Variants in GRIN3A observed in about 807,000 individuals in gnomAD.
GRIN3A encodes the protein glutamate receptor ionotropic, NMDA 3A.
In GRIN3A, 47 loss-of-function variants were observed where a neutral mutation model predicts 92.4. The observed-to-expected ratio is 0.51, with a 90% CI of 0.40 to 0.65. The LOEUF is 0.65. GRIN3A is among the 30% of genes least tolerant of loss of function. The pLI is 0.00. For synonymous variants in GRIN3A, 527 were observed against 540.6 expected (o/e 0.97, Z 0.35); for missense variants, 1,324 against 1,393.1 (o/e 0.95, Z 0.79).
intron 1 of GRIN3A, among the ~76,000 whole-genome samples, chr9:101,704,476 TG>T (rs1181659778): frequency 3.3e-5 from 5 of 151,580 alleles, no homozygotes; most frequent in East Asian, 1.9e-4. Flanking sequence ...TTTGACTTAA[TG>T]TTTTTTTTAT....
In GRIN3A at chr9:101,670,983, T is replaced by C. The variant is rs80097802; in HGVS notation, c.1429A>G (p.Met477Val). The change falls in exon 3 of 9, where the codon ATG (methionine) becomes GTG (valine). Residue 477 changes from methionine to valine, a missense_variant. Transcript: ENST00000361820. ...TGCCAGCTGCCCAAGCGGGTCCACA[T>C]TGGCTTTCCCATGGGGTCATGTTGA... is the stretch of plus-strand genomic sequence containing the variant. ...NLQHDPMGKP[M>V]WTRLGSWQGG... The C allele has an allele frequency of 4.6e-5, 75 of 1,613,892 alleles. No homozygotes were observed. The highest frequency in any genetic ancestry group is 5.4e-5 in the Non-Finnish European group (64 of 1,179,926).
rs1328279670 is a variant in GRIN3A, at chr9:101,571,232, T to C, written c.*1942A>G. The C allele has an allele frequency of 6.6e-6, 1 of 152,178 alleles. No individual in the cohort carries two copies. Among genetic ancestry groups the C allele is most frequent in the Admixed American group, 6.6e-5 (1 of 15,260 alleles). The allele number at this position is 152,178 out of a possible 1,614,324, so 9.4% of individuals were successfully genotyped here. A position where few individuals can be genotyped will look rare whatever the true frequency, so the allele number is the denominator to read the frequency against. ...ATCTGTGGAGTTGGTGACCTCTAAC[T>C]TTAGAGCCCTCCCACATCCATATCA... On this transcript the variant is annotated 3_prime_UTR_variant, in exon 9 of 9. Transcript: ENST00000361820.
chr9:101,715,200 T>A (rs368924300), intron 1 of GRIN3A, among the ~76,000 whole-genome samples: 40 of 127,660 alleles, frequency 3.1e-4, no homozygotes, highest in Non-Finnish European at 3.7e-4. Context: ...ACAAAAATGG[T>A]AAAAAAAAAA....
chr9:101,665,836 GGCAAAAACT>G (rs1429362095), intron 3 of GRIN3A, among the ~76,000 whole-genome samples: 7 of 151,814 alleles, frequency 4.6e-5, no homozygotes, highest in African/African-American at 1.2e-4. Flanking sequence ...TACTTTCAAA[GGCAAAAACT>G]GCAATTACTT....
intron 1 of GRIN3A, among the ~76,000 whole-genome samples, chr9:101,704,689 A>C (rs1315484051): frequency 6.6e-6 from 1 of 152,180 alleles, no homozygotes; most frequent in Non-Finnish European, 1.5e-5. Context: ...ATCTTTCCAG[A>C]GGATTTTGCC....
intron 5 of GRIN3A, among the ~76,000 whole-genome samples, 190 bp from the exon 6 acceptor site, chr9:101,613,717 G>C (rs1353013655): frequency 1.3e-5 from 2 of 152,204 alleles, no homozygotes; most frequent in Non-Finnish European, 2.9e-5. Flanking sequence ...TCTCTGAGTA[G>C]ATGAATTGAG....
chr9:101,571,944 C>T lies in GRIN3A; in HGVS notation c.*1230G>A, dbSNP rs1588231838. ...ATATTCCTTTCCCTTGCTGCCTAAA[C>T]TTGATATGCTGAGAAAGTGACACCT... On this transcript the variant is annotated 3_prime_UTR_variant, in exon 9 of 9. Coordinates refer to ENST00000361820, the MANE Select transcript of GRIN3A (RefSeq NM_133445.3). The T allele has an allele frequency of 6.6e-6, 1 of 152,196 alleles. No homozygotes were observed. The highest frequency in any genetic ancestry group is 1.5e-5 in the Non-Finnish European group (1 of 68,084). 9.4% of individuals were successfully genotyped at this position (152,196 alleles called of 1,614,324 possible).
chr9:101,679,266 T>A (rs984170477), intron 2 of GRIN3A, among the ~76,000 whole-genome samples: 1 of 152,146 alleles, frequency 6.6e-6, no homozygotes, highest in Non-Finnish European at 1.5e-5. Context: ...GATTTTACAG[T>A]AGATGCATAT....
rs150974205 is a variant in GRIN3A, at chr9:101,585,801, C to T, written c.2767-6441G>A. ...TCCCTAACCCCTTCTGTCTTCTTCA[C>T]AGCAGTGAGAATGACTGTCATGTCA... On this transcript the variant is annotated intron_variant, in intron 6 of 8. Coordinates refer to ENST00000361820, the MANE Select transcript of GRIN3A (RefSeq NM_133445.3). 8.9e-4 allele frequency among the ~76,000 whole-genome samples: 135 copies of T among 152,336 alleles called. 1 individual carries two copies. Among genetic ancestry groups the T allele is most frequent in the Non-Finnish European group, 1.7e-3 (115 of 68,042 alleles).
chr9:101,590,783 A>G (rs1036005328), intron 6 of GRIN3A, among the ~76,000 whole-genome samples: 1 of 152,212 alleles, frequency 6.6e-6, no homozygotes, highest in African/African-American at 2.4e-5. Flanking sequence ...TAACAGAAAG[A>G]AAGAGTCAGT....
intron 5 of GRIN3A, among the ~76,000 whole-genome samples, chr9:101,619,914 G>A (rs62577402): frequency 0.12 from 18,313 of 152,048 alleles, 1,945 homozygotes; most frequent in African/African-American, 0.29. Flanking sequence ...TTTTTAATTC[G>A]ACCAAAGACT....
chr9:101,597,477 A>G lies in GRIN3A; in HGVS notation c.2766+15899T>C, dbSNP rs556607817. Among the ~76,000 whole-genome samples the G allele has an allele frequency of 4.7e-4, 71 of 152,334 alleles. 5 individuals carry two copies. In the South Asian group the frequency reaches 0.013, roughly 28 times the overall value. On this transcript the variant is annotated intron_variant, in intron 6 of 8. Transcript: ENST00000361820. ...AGAGGAAGCATTTTGAACTCCCTTCAGTTTTGCCAACTGAATAGGCCACAG... is the reference window on the plus strand; with the variant it reads ...AGAGGAAGCATTTTGAACTCCCTTCGGTTTTGCCAACTGAATAGGCCACAG...
intron 1 of GRIN3A, among the ~76,000 whole-genome samples, chr9:101,707,375 G>A (rs1265121335): frequency 2.6e-5 from 4 of 152,064 alleles, no homozygotes; most frequent in Admixed American, 1.3e-4. Flanking sequence ...AATCCAACTC[G>A]GAAAAGCATC....
rs3082770 is a variant in GRIN3A at position 101,693,244 on chromosome 9, A to AATAT, written c.700-6048_700-6045dup. ...GATGGTGAAACCCCATCTCAGCTAAAATATATATATATATATATATATATA... is the reference window on the plus strand; with the variant it reads ...GATGGTGAAACCCCATCTCAGCTAAAATATATATATATATATATATATATATATA... On this transcript the variant is annotated intron_variant, in intron 1 of 8. Transcript: ENST00000361820. Among the ~76,000 whole-genome samples the AATAT allele has an allele frequency of 7.1e-3, 914 of 128,398 alleles. 5 individuals are homozygous for AATAT. Among genetic ancestry groups the AATAT allele is most frequent in the East Asian group, 0.036 (164 of 4,532 alleles). The allele number at this position is 128,398 out of a possible 152,430, so 84.2% of individuals were successfully genotyped here. A position where few individuals can be genotyped will look rare whatever the true frequency, so the allele number is the denominator to read the frequency against.
At chr9:101,636,149 T>G (rs1391787807) in intron 3 of GRIN3A, among the ~76,000 whole-genome samples, 1 of 152,144 alleles carries the variant, frequency 6.6e-6, no homozygotes, top group Non-Finnish European at 1.5e-5. Context: ...TCCCAAAGTA[T>G]TGGGATTACA....
At chr9:101,632,439 G>A (rs17197124) in intron 3 of GRIN3A, among the ~76,000 whole-genome samples, 29,491 of 152,022 alleles carry the variant, frequency 0.19, 3,196 homozygotes, top group Non-Finnish European at 0.25. Flanking sequence ...TATGCAACAA[G>A]CACAGGGCTT....
At chr9:101,690,752 A>C (rs1829604605) in intron 1 of GRIN3A, among the ~76,000 whole-genome samples, 1 of 152,196 alleles carries the variant, frequency 6.6e-6, no homozygotes, top group Admixed American at 6.6e-5. Context: ...TAATAATTAA[A>C]ACAGGGAAGC....
At chr9:101,603,118 C>G (rs1828233472) in intron 6 of GRIN3A, 1 of 152,128 alleles carries the variant, frequency 6.6e-6, no homozygotes, top group African/African-American at 2.4e-5. Context: ...TCATGCATTT[C>G]TCATTTTGAA....
At chr9:101,617,208 A>G (rs950937461) in intron 5 of GRIN3A, among the ~76,000 whole-genome samples, 3 of 86,202 alleles carry the variant, frequency 3.5e-5, no homozygotes, top group African/African-American at 6.4e-5. Context: ...CTCCGTCTAA[A>G]AAAAAAAAAA....
Sources: gnomAD v4.1 joint callset for allele counts (sites outside exome capture counted in the v4.1 genomes callset) on GRCh38, gnomAD v4.1.1 for gene constraint, MANE v1.5 for transcripts, NCBI Gene and HGNC (gene_info 2026-07-23, HGNC 2026-07-21) for gene names.